SBF2: variants seen among roughly 807,000 people sequenced by gnomAD.
The protein encoded by SBF2 is SET binding factor 2.
SBF2 carries 112 observed loss-of-function variants against 225.2 expected under a neutral mutation model. The observed-to-expected ratio is 0.50, with a 90% confidence interval of 0.43 to 0.58. The LOEUF (loss-of-function observed/expected upper bound fraction) is 0.58, where lower values mean the gene tolerates loss of function less well. Among genes scored for constraint, SBF2 ranks in the 20% least tolerant of loss-of-function variants. The pLI is 0.00. For missense variants in SBF2, 1,996 were observed against 2,206.2 expected, an observed-to-expected ratio of 0.90 and a Z score of 1.91; for synonymous variants, 763 against 773.3, an observed-to-expected ratio of 0.99 and a Z score of 0.22.
intron 2 of SBF2, among the ~76,000 whole-genome samples, chr11:10,183,178 G>T (rs1341597206): frequency 6.6e-6 from 1 of 152,036 alleles, no homozygotes; most frequent in Non-Finnish European, 1.5e-5. Flanking sequence ...AGAAAACCTG[G>T]CATCTGGCAA....
intron 1 of SBF2, among the ~76,000 whole-genome samples, chr11:10,262,453 G>A (rs534477238): frequency 6.6e-6 from 1 of 152,182 alleles, no homozygotes; most frequent in Admixed American, 6.5e-5. Flanking sequence ...GTCACCCTCA[G>A]CCTTCTGAAC....
intron 2 of SBF2, among the ~76,000 whole-genome samples, chr11:10,065,905 C>A (rs896509174): frequency 3.3e-5 from 5 of 152,138 alleles, no homozygotes; most frequent in African/African-American, 1.2e-4. Context: ...CAAGATCGCG[C>A]CATTGCACTC....
intron 28 of SBF2, among the ~76,000 whole-genome samples, chr11:9,824,216 A>T (rs1325703509): frequency 6.6e-6 from 1 of 152,226 alleles, no homozygotes; most frequent in Non-Finnish European, 1.5e-5. Flanking sequence ...TGTATAAAAG[A>T]AGCCAAGAGT....
At chr11:9,979,628 G>A (rs1946853704) in intron 13 of SBF2, among the ~76,000 whole-genome samples, 1 of 152,054 alleles carries the variant, frequency 6.6e-6, no homozygotes, top group African/African-American at 2.4e-5. Context: ...ACAGATCTTG[G>A]CATGCAAGTT....
intron 2 of SBF2, among the ~76,000 whole-genome samples, chr11:10,075,707 CT>C (rs2134833073): frequency 6.6e-6 from 1 of 152,290 alleles, no homozygotes; most frequent in African/African-American, 2.4e-5. Context: ...TCTGCCATGC[CT>C]CCTGTACAGC....
At chr11:9,879,817 T>G (rs1859589371) in intron 17 of SBF2, among the ~76,000 whole-genome samples, 1 of 151,824 alleles carries the variant, frequency 6.6e-6, no homozygotes, top group Non-Finnish European at 1.5e-5. Context: ...GGCTTGGTGG[T>G]TAGTGTCTGT....
At chr11:10,117,701 A>G (rs1381231453) in intron 2 of SBF2, among the ~76,000 whole-genome samples, 1 of 151,756 alleles carries the variant, frequency 6.6e-6, no homozygotes, top group Non-Finnish European at 1.5e-5. Flanking sequence ...TTGCTTAGAG[A>G]CACAAAGATA....
At chr11:10,272,698 G>A (rs1962597496) in intron 1 of SBF2, among the ~76,000 whole-genome samples, 1 of 152,012 alleles carries the variant, frequency 6.6e-6, no homozygotes, top group East Asian at 1.9e-4. Flanking sequence ...CTGGGAAGCA[G>A]AGGCTGCAGT....
At chr11:10,174,181 G>A (rs1480354633) in intron 2 of SBF2, among the ~76,000 whole-genome samples, 1 of 152,182 alleles carries the variant, frequency 6.6e-6, no homozygotes, top group Non-Finnish European at 1.5e-5. Context: ...GACGAGCTGA[G>A]ACAAGAAGGC....
At position 9,808,044 on chromosome 11, in the gene SBF2, C is replaced by T; in HGVS notation, c.4399G>A (p.Gly1467Ser). The T allele has an allele frequency of 6.2e-7, 1 of 1,614,138 alleles. No homozygotes were observed. ...SSLTLNCQGSGFAPVFLQFLD... is the reference protein window; with the variant it reads ...SSLTLNCQGSSFAPVFLQFLD... The stretch of plus-strand genomic sequence containing the variant: ...AACTGTAAGAAGACTGGAGCAAAAC[C>T]ACTCCCCTGACAGTTGAGGGTCAAG... Residue 1467 changes from glycine to serine, a missense_variant, in exon 32 of 40, where the codon GGT becomes AGT. Coordinates refer to ENST00000256190, the MANE Select transcript of SBF2 (RefSeq NM_030962.4).
At chr11:10,173,760 T>C (rs7924875) in intron 2 of SBF2, among the ~76,000 whole-genome samples, 32,145 of 148,802 alleles carry the variant, frequency 0.22, 4,544 homozygotes, top group Non-Finnish European at 0.3. Context: ...TCAATGTCCC[T>C]GTCTGACAGC....
chr11:10,004,239 T>C (rs1397433331), intron 6 of SBF2, among the ~76,000 whole-genome samples: 2 of 151,994 alleles, frequency 1.3e-5, no homozygotes, highest in African/African-American at 4.8e-5. Flanking sequence ...TTTCAAGTGG[T>C]TTTTAAAATT....
chr11:9,877,099 C>T (rs1453174431), intron 17 of SBF2, among the ~76,000 whole-genome samples: 1 of 152,066 alleles, frequency 6.6e-6, no homozygotes, highest in Non-Finnish European at 1.5e-5. Flanking sequence ...ACATTTAGGA[C>T]AGTTTTTTGC....
rs941168112 is a variant in SBF2, at chr11:9,862,468, A to G, written c.1930-4072T>C. Among the ~76,000 whole-genome samples the G allele has an allele frequency of 2.0e-5, 3 of 152,254 alleles. No individual in the cohort carries two copies. The South Asian group carries it at 6.2e-4, about 31-fold the overall frequency. On this transcript the variant is annotated intron_variant, in intron 17 of 39. Transcript: ENST00000256190. ...TGCATTTGAGAGAATCTATAAAGAA[A>G]GAGAACTGTTCAGGGTCATATGGTA...
Position 10,133,295 on chromosome 11 carries a change from C to G in SBF2, c.141+60607G>C, listed in dbSNP as rs1016956739. ...GTGGAGCTGCCTGCCAGTCCTGCGC[C>G]GTGTGCTCGCATTCCTCAGCCCTTG... is the stretch of plus-strand genomic sequence containing the variant. On this transcript the variant is annotated intron_variant, in intron 2 of 39. Coordinates refer to ENST00000256190, the MANE Select transcript of SBF2 (RefSeq NM_030962.4). Among the ~76,000 whole-genome samples the G allele has an allele frequency of 1.3e-5, 2 of 149,506 alleles. 1 individual carries two copies. The highest frequency in any genetic ancestry group is 1.4e-4 in the Admixed American group (2 of 14,776).
At chr11:10,279,330 T>C (rs542026001) in intron 1 of SBF2, among the ~76,000 whole-genome samples, 8 of 150,756 alleles carry the variant, frequency 5.3e-5, no homozygotes, top group African/African-American at 2.0e-4. Context: ...GGAGAATTGC[T>C]TGAACCCGGG....
intron 31 of SBF2, 112 bp from the exon 32 acceptor site, chr11:9,808,297 G>T: frequency 1.1e-6 from 1 of 942,934 alleles, no homozygotes; most frequent in Non-Finnish European, 1.6e-6. Context: ...TACCTGGACA[G>T]CAAATTTGTT....
At chr11:10,185,553 C>G (rs1173401400) in intron 2 of SBF2, among the ~76,000 whole-genome samples, 1 of 151,760 alleles carries the variant, frequency 6.6e-6, no homozygotes, top group Non-Finnish European at 1.5e-5. Flanking sequence ...CTACTAGGCT[C>G]AGGTGACCCT....
intron 1 of SBF2, among the ~76,000 whole-genome samples, chr11:10,256,885 G>T (rs547999683): frequency 2.6e-5 from 4 of 151,990 alleles, no homozygotes; most frequent in Non-Finnish European, 5.9e-5. Context: ...ATCCTATAAC[G>T]AAGTCTGACA....
Sources: gnomAD v4.1 joint callset for allele counts (sites outside exome capture counted in the v4.1 genomes callset) on GRCh38, gnomAD v4.1.1 for gene constraint, MANE v1.5 for transcripts, NCBI Gene and HGNC (gene_info 2026-07-23, HGNC 2026-07-21) for gene names.